The following JAZF1 variants were observed in gnomAD, a reference collection of about 807,000 sequenced individuals.
JAZF1 encodes the protein juxtaposed with another zinc finger protein 1.
In JAZF1, 8 loss-of-function variants were observed where a neutral mutation model predicts 26.4. The ratio of observed to expected loss-of-function variants is 0.30; its 90% CI spans 0.18 to 0.55. JAZF1 has a LOEUF of 0.55. Among genes scored for constraint, JAZF1 ranks in the 20% least tolerant of loss-of-function variants. The pLI, the probability that JAZF1 is intolerant of heterozygous loss-of-function variation, is 0.94. For synonymous variants in JAZF1, 126 were observed against 122.3 expected, an observed-to-expected ratio of 1.03 and a Z score of -0.20; for missense variants, 199 against 322.0, an observed-to-expected ratio of 0.62 and a Z score of 2.92.
At chr7:28,020,381 A>G (rs1211771907) in intron 1 of JAZF1, among the ~76,000 whole-genome samples, 1 of 152,176 alleles carries the variant, frequency 6.6e-6, no homozygotes, top group East Asian at 1.9e-4. Context: ...CGGCACAGGG[A>G]AAATGAATCG....
At chr7:27,999,543 T>C (rs1019265866) in intron 1 of JAZF1, among the ~76,000 whole-genome samples, 1 of 152,190 alleles carries the variant, frequency 6.6e-6, no homozygotes, top group Admixed American at 6.5e-5. Context: ...CTGCCTAACA[T>C]TGTTTGCCCA....
At chr7:27,981,169 G>A (rs1336966724) in intron 2 of JAZF1, among the ~76,000 whole-genome samples, 2 of 152,132 alleles carry the variant, frequency 1.3e-5, no homozygotes, top group Non-Finnish European at 2.9e-5. Flanking sequence ...GATTTGATCT[G>A]TCAAATTCCA....
intron 1 of JAZF1, among the ~76,000 whole-genome samples, chr7:28,160,701 G>A (rs1055277542): frequency 2.0e-5 from 3 of 152,156 alleles, no homozygotes; most frequent in African/African-American, 4.8e-5. Context: ...GGAAGGTCAC[G>A]ATATATTTAT....
chr7:28,104,313 C>CTGT (rs760709760), intron 1 of JAZF1, among the ~76,000 whole-genome samples: 4 of 152,212 alleles, frequency 2.6e-5, no homozygotes, highest in Non-Finnish European at 5.9e-5. Flanking sequence ...TATTTGTGGT[C>CTGT]TGTCTCCCTA....
intron 1 of JAZF1, among the ~76,000 whole-genome samples, chr7:28,066,943 G>C (rs1783893337): frequency 1.3e-5 from 2 of 152,154 alleles, no homozygotes; most frequent in Non-Finnish European, 2.9e-5. Flanking sequence ...CCAGAGCCAA[G>C]AAGAACTAGC....
At chr7:27,889,342 A>G (rs1221718349) in intron 3 of JAZF1, among the ~76,000 whole-genome samples, 2 of 152,196 alleles carry the variant, frequency 1.3e-5, no homozygotes, top group Non-Finnish European at 2.9e-5. Flanking sequence ...AGCTGTAGGC[A>G]ATAATAACCA....
chr7:28,086,881 T>C (rs1420682214), intron 1 of JAZF1, among the ~76,000 whole-genome samples: 1 of 152,158 alleles, frequency 6.6e-6, no homozygotes, highest in African/African-American at 2.4e-5. Context: ...AGTAGAATTT[T>C]AAAAAGAGTT....
intron 3 of JAZF1, among the ~76,000 whole-genome samples, chr7:27,872,501 T>C (rs1356294843): frequency 6.6e-6 from 1 of 152,200 alleles, no homozygotes; most frequent in Admixed American, 6.5e-5. Context: ...CACGCGGGTA[T>C]ACGGCTGAGA....
intron 2 of JAZF1, among the ~76,000 whole-genome samples, chr7:27,987,113 C>T (rs1785734638): frequency 6.6e-6 from 1 of 152,046 alleles, no homozygotes; most frequent in Non-Finnish European, 1.5e-5. Flanking sequence ...TGCCTGGCCA[C>T]CCATCGTCTG....
chr7:27,994,923 C>T (rs1785983524), intron 1 of JAZF1, among the ~76,000 whole-genome samples: 1 of 152,144 alleles, frequency 6.6e-6, no homozygotes, highest in African/African-American at 2.4e-5. Context: ...AAACTCTCCA[C>T]AGGATAGGAG....
chr7:28,052,167 A>G (rs546805682), intron 1 of JAZF1, among the ~76,000 whole-genome samples: 5 of 152,352 alleles, frequency 3.3e-5, no homozygotes, highest in African/African-American at 1.2e-4. Context: ...AGTAAGTCAC[A>G]CATTGTAAAT....
At chr7:28,101,917 T>A (rs1784477893) in intron 1 of JAZF1, among the ~76,000 whole-genome samples, 1 of 152,096 alleles carries the variant, frequency 6.6e-6, no homozygotes, top group South Asian at 2.1e-4. Flanking sequence ...ATGGGATGCT[T>A]TTAGATATAT....
At chr7:28,008,692 G>A (rs1782745611) in intron 1 of JAZF1, among the ~76,000 whole-genome samples, 1 of 152,196 alleles carries the variant, frequency 6.6e-6, no homozygotes, top group Non-Finnish European at 1.5e-5. Context: ...GCTATCCTTG[G>A]AACTTGAGTG....
At chr7:27,917,308 A>G (rs1784457192) in intron 2 of JAZF1, among the ~76,000 whole-genome samples, 1 of 152,212 alleles carries the variant, frequency 6.6e-6, no homozygotes, top group African/African-American at 2.4e-5. Flanking sequence ...GACCTGTTCC[A>G]GCGTGCCTCT....
At chr7:28,054,257 T>C (rs967089459) in intron 1 of JAZF1, among the ~76,000 whole-genome samples, 1 of 152,194 alleles carries the variant, frequency 6.6e-6, no homozygotes, top group Non-Finnish European at 1.5e-5. Context: ...TGCTCTAGCA[T>C]AAAACTGACC....
intron 1 of JAZF1, among the ~76,000 whole-genome samples, chr7:28,046,770 T>C (rs1017218283): frequency 6.6e-6 from 1 of 152,222 alleles, no homozygotes; most frequent in Non-Finnish European, 1.5e-5. Context: ...TAAATAGTCA[T>C]TTGTATTTCT....
At chr7:28,143,654 C>T (rs537919275) in intron 1 of JAZF1, among the ~76,000 whole-genome samples, 31 of 152,292 alleles carry the variant, frequency 2.0e-4, no homozygotes, top group Middle Eastern at 6.8e-3. Flanking sequence ...GACGGATGGA[C>T]CTACGCCCAG....
chr7:28,180,073 C>G (rs933323165), intron 1 of JAZF1, among the ~76,000 whole-genome samples: 32 of 146,756 alleles, frequency 2.2e-4, no homozygotes, highest in African/African-American at 7.6e-4. Context: ...GCGACCCTGC[C>G]CAGCGCCCAG....
intron 1 of JAZF1, among the ~76,000 whole-genome samples, chr7:28,030,704 T>C (rs1482058686): frequency 6.6e-6 from 1 of 152,230 alleles, no homozygotes; most frequent in Non-Finnish European, 1.5e-5. Flanking sequence ...TCAGTTACCA[T>C]CTTGACTTTA....
Sources: gnomAD v4.1 joint callset for allele counts (sites outside exome capture counted in the v4.1 genomes callset) on GRCh38, gnomAD v4.1.1 for gene constraint, MANE v1.5 for transcripts, NCBI Gene and HGNC (gene_info 2026-07-23, HGNC 2026-07-21) for gene names.